Variants in NFASC observed in about 807,000 individuals in gnomAD.
NFASC encodes the protein neurofascin homolog.
In NFASC, 43 loss-of-function variants were observed where a neutral mutation model predicts 147.5. That is an observed-to-expected ratio of 0.29 (90% CI 0.23 to 0.38). The LOEUF (loss-of-function observed/expected upper bound fraction) is 0.38, where lower values mean the gene tolerates loss of function less well. NFASC is among the 10% of genes least tolerant of loss of function. The pLI, the probability that NFASC is intolerant of heterozygous loss-of-function variation, is 1.00. For synonymous variants in NFASC, 622 were observed against 665.5 expected (o/e 0.93, Z 1.01); for missense variants, 1,320 against 1,689.0 (o/e 0.78, Z 3.83).
intron 1 of NFASC, among the ~76,000 whole-genome samples, chr1:204,847,286 A>G (rs956400181): frequency 6.6e-6 from 1 of 152,212 alleles, no homozygotes; most frequent in Non-Finnish European, 1.5e-5. Flanking sequence ...ACAATGTCCT[A>G]AGTGCTTTAA....
chr1:204,959,050 C>T (rs910202692), intron 8 of NFASC, among the ~76,000 whole-genome samples: 2 of 142,404 alleles, frequency 1.4e-5, no homozygotes, highest in African/African-American at 5.2e-5. Context: ...CTTTTCTCTT[C>T]CCCTTCTCAT....
At chr1:204,985,284 C>T (rs1251927997) in intron 21 of NFASC, among the ~76,000 whole-genome samples, 1 of 152,202 alleles carries the variant, frequency 6.6e-6, no homozygotes, top group Non-Finnish European at 1.5e-5. Context: ...CTGTCCCTTC[C>T]CATCCAAGCT....
intron 1 of NFASC, among the ~76,000 whole-genome samples, chr1:204,898,597 G>A (rs2083866489): frequency 6.6e-6 from 1 of 152,170 alleles, no homozygotes. Flanking sequence ...CTTTCTCTAG[G>A]GCTGCTGGGC....
At chr1:204,952,906 C>T (rs2094209763) in intron 5 of NFASC, among the ~76,000 whole-genome samples, 1 of 152,160 alleles carries the variant, frequency 6.6e-6, no homozygotes, top group African/African-American at 2.4e-5. Context: ...TATGCAGCAG[C>T]TTTATTCTGG....
chr1:204,946,678 A>T (rs2093762217), intron 3 of NFASC: 1 of 516,890 alleles, frequency 1.9e-6, no homozygotes, highest in Non-Finnish European at 3.9e-6. Context: ...GGTGGTGGTC[A>T]TGTACGGCGA....
At chr1:205,005,739 G>A (rs1328883114) in intron 27 of NFASC, among the ~76,000 whole-genome samples, 1 of 152,168 alleles carries the variant, frequency 6.6e-6, no homozygotes, top group African/African-American at 2.4e-5. Flanking sequence ...CACTTTGATG[G>A]GATGTGGTTG....
intron 1 of NFASC, among the ~76,000 whole-genome samples, chr1:204,872,542 C>T (rs2077916059): frequency 1.3e-5 from 2 of 152,176 alleles, no homozygotes; most frequent in African/African-American, 4.8e-5. Context: ...CCGCAGTCAG[C>T]CGGCTGGGCA....
In NFASC at chr1:204,954,433, A is replaced by AGAG. The variant is rs551507871; in HGVS notation, c.412+50_412+52dup. On this transcript the variant is annotated intron_variant, in intron 6 of 29. Coordinates refer to ENST00000339876, the MANE Select transcript of NFASC (RefSeq NM_001005388.3). The surrounding 1 kb of genome is among the most constrained non-coding windows in gnomAD (Gnocchi z 5.7). Reference sequence around the variant, plus strand: ...AAATGCCCTGCTCCTGGGTAAATGGAGAGTGGGGGGTGTGGAAGGCCATTC... The same window carrying AGAG: ...AAATGCCCTGCTCCTGGGTAAATGGAGAGGAGTGGGGGGTGTGGAAGGCCATTC... 33 of 1,571,700 alleles carry AGAG rather than the reference A, an allele frequency of 2.1e-5. No individual in the cohort carries two copies. In the East Asian group the frequency reaches 3.2e-4, roughly 15 times the overall value.
At position 204,986,199 on chromosome 1, in the gene NFASC, G is replaced by A. The variant is rs2095611733; in HGVS notation, c.2471-1219G>A. Reference sequence around the variant, plus strand: ...CCTGGAGAAACTCCAGCGTGGCTCAGCATGGATGGCACAAGGTGACTTCTG... The same window carrying A: ...CCTGGAGAAACTCCAGCGTGGCTCAACATGGATGGCACAAGGTGACTTCTG... On this transcript the variant is annotated intron_variant, in intron 21 of 29. Transcript: ENST00000339876. The surrounding 1 kb of genome is among the most constrained non-coding windows in gnomAD (Gnocchi z 4.2). The A allele has an allele frequency of 4.0e-6, 4 of 1,002,318 alleles. No homozygotes were observed. In the South Asian group the frequency reaches 5.5e-5, roughly 14 times the overall value. 62.1% of individuals were successfully genotyped at this position (1,002,318 alleles called of 1,614,324 possible). A position where few individuals can be genotyped will look rare whatever the true frequency, so the allele number is the denominator to read the frequency against.
At chr1:204,917,787 T>G (rs1475594691) in intron 1 of NFASC, among the ~76,000 whole-genome samples, 1 of 152,180 alleles carries the variant, frequency 6.6e-6, no homozygotes, top group Admixed American at 6.5e-5. Context: ...TGTTTAGGCT[T>G]ATCTTGTATG....
intron 1 of NFASC, among the ~76,000 whole-genome samples, chr1:204,854,469 T>C (rs1297836551): frequency 6.6e-6 from 1 of 151,924 alleles, no homozygotes; most frequent in East Asian, 1.9e-4. Flanking sequence ...GATGCTGCAG[T>C]TTGAGGAGGG....
At chr1:205,003,340 A>G (rs1161453399) in intron 27 of NFASC, among the ~76,000 whole-genome samples, 1 of 152,240 alleles carries the variant, frequency 6.6e-6, no homozygotes, top group East Asian at 1.9e-4. Context: ...GGAGAGGGGA[A>G]GAAGCTCTCC....
chr1:204,929,919 G>T (rs78769558), intron 2 of NFASC, among the ~76,000 whole-genome samples: 4 of 152,186 alleles, frequency 2.6e-5, no homozygotes, highest in African/African-American at 7.2e-5. Flanking sequence ...AATGGAACAC[G>T]GCTGGGTCAC....
At chr1:204,892,472 G>A (rs965866044) in intron 1 of NFASC, among the ~76,000 whole-genome samples, 19 of 152,230 alleles carry the variant, frequency 1.2e-4, no homozygotes, top group African/African-American at 4.1e-4. Context: ...GGTGGCCCCA[G>A]TACAGCTGGA....
Position 204,950,752 on chromosome 1 carries a change from C to T in NFASC, c.109+178C>T, listed in dbSNP as rs1008876304. On this transcript the variant is annotated intron_variant, in intron 4 of 29. Transcript: ENST00000339876. ...GAAGGAGGCTTGCCTGCAGCATTCTCTTGCTGGGAAAGACAGAAGGGCACG... is the reference window on the plus strand; with the variant it reads ...GAAGGAGGCTTGCCTGCAGCATTCTTTTGCTGGGAAAGACAGAAGGGCACG... 2.6e-5 allele frequency among the ~76,000 whole-genome samples: 4 copies of T among 152,116 alleles called. No individual in the cohort carries two copies. The South Asian group carries it at 8.3e-4, about 32-fold the overall frequency.
At position 205,009,684 on chromosome 1, in the gene NFASC, C is replaced by G; in HGVS notation, c.3417C>G (p.Tyr1139Ter). Residue 1139 changes from tyrosine to a stop codon, truncating the protein, a stop_gained, in exon 28 of 30, where the codon TAC (tyrosine) becomes TAG (stop). Transcript: ENST00000339876. LOFTEE classifies it high-confidence loss of function. ...TCAAGAGGAGTCGCGGCGGCAAGTA[C>G]CCAGGTGAGATGTGCAAGAGGCGTG... The part of the protein sequence containing the change: ...CFIKRSRGGK[Y>*]PVREKKDVPL... 6.2e-7 allele frequency: 1 copy of G among 1,613,784 alleles called. No homozygotes were observed. Among genetic ancestry groups the G allele is most frequent in the East Asian group, 2.2e-5 (1 of 44,864 alleles).
At chr1:204,872,474 C>T (rs2077900471) in intron 1 of NFASC, among the ~76,000 whole-genome samples, 2 of 152,196 alleles carry the variant, frequency 1.3e-5, no homozygotes, top group Non-Finnish European at 2.9e-5. Flanking sequence ...GCTGAATGCA[C>T]AGGAGCTGGT....
chr1:204,913,354 CTG>C (rs1191800451), intron 1 of NFASC, among the ~76,000 whole-genome samples: 13 of 152,028 alleles, frequency 8.6e-5, no homozygotes, highest in Admixed American at 8.5e-4. Flanking sequence ...CTAGAGGAAT[CTG>C]TAAAAAAATT....
intron 24 of NFASC, among the ~76,000 whole-genome samples, chr1:204,996,490 T>C (rs2095847009): frequency 6.6e-6 from 1 of 152,050 alleles, no homozygotes; most frequent in African/African-American, 2.4e-5. Flanking sequence ...CAGGAAGGGC[T>C]ACCACTGAGC....
Sources: gnomAD v4.1 joint callset for allele counts (sites outside exome capture counted in the v4.1 genomes callset) on GRCh38, gnomAD v4.1.1 for gene constraint, Gnocchi (gnomAD v3.1) non-coding constraint, MANE v1.5 for transcripts, NCBI Gene and HGNC (gene_info 2026-07-23, HGNC 2026-07-21) for gene names.